The following FAM135A variants were observed in gnomAD, a reference collection of about 807,000 sequenced individuals.
FAM135A encodes the protein family with sequence similarity 135 member A.
FAM135A carries 79 observed loss-of-function variants against 146.8 expected under a neutral mutation model. The ratio of observed to expected loss-of-function variants is 0.54; its 90% CI spans 0.45 to 0.65. The LOEUF is 0.65. Among genes scored for constraint, FAM135A ranks in the 30% least tolerant of loss-of-function variants. The pLI is 0.00. For synonymous variants in FAM135A, 562 were observed against 603.6 expected, an observed-to-expected ratio of 0.93 and a Z score of 1.01; for missense variants, 1,623 against 1,758.2, an observed-to-expected ratio of 0.92 and a Z score of 1.38.
chr6:70,526,359 A>G lies in FAM135A; in HGVS notation c.3275A>G (p.Gln1092Arg). The G allele has an allele frequency of 6.2e-6, 10 of 1,613,672 alleles. No homozygotes were observed. The highest frequency in any genetic ancestry group is 8.5e-6 in the Non-Finnish European group (10 of 1,179,710). ...DKEDEEEEQD[Q>R]QMVQNGYYEE... ...GAGGATGAGGAGGAAGAGCAGGATCAACAAATGGTTCAAAATGGGTACTAT... is the reference window on the plus strand; with the variant it reads ...GAGGATGAGGAGGAAGAGCAGGATCGACAAATGGTTCAAAATGGGTACTAT... The change falls in exon 15 of 22, where the codon CAA becomes CGA. Residue 1092 changes from glutamine (Q) to arginine (R), a missense_variant. Physicochemically the swap from Gln to Arg is conservative, Grantham distance 43 (BLOSUM62 1). Transcript: ENST00000418814.
intron 5 of FAM135A, among the ~76,000 whole-genome samples, chr6:70,472,593 G>T (rs1436154648): frequency 6.6e-6 from 1 of 152,086 alleles, no homozygotes; most frequent in Non-Finnish European, 1.5e-5. Flanking sequence ...CCCCATTCAG[G>T]TTTTGCTGGT....
chr6:70,445,103 G>T (rs957188199), intron 4 of FAM135A, among the ~76,000 whole-genome samples: 1 of 152,126 alleles, frequency 6.6e-6, no homozygotes, highest in Non-Finnish European at 1.5e-5. Context: ...GGTGCTAATT[G>T]TGGGAATACA....
At position 70,525,248 on chromosome 6, in the gene FAM135A, T is replaced by A. The variant is rs754777889; in HGVS notation, c.2164T>A (p.Cys722Ser). ...AAAGGAAGCTTTGCAAGAAGCAAAGTGTCTTTCTATTGGAGAATCATTAAC... is the reference window on the plus strand; with the variant it reads ...AAAGGAAGCTTTGCAAGAAGCAAAGAGTCTTTCTATTGGAGAATCATTAAC... ...FEKEALQEAK[C>S]LSIGESLTKL... is the part of the protein sequence containing the mutation. Residue 722 changes from cysteine (C) to serine (S), a missense_variant, in exon 15 of 22, where the codon TGT becomes AGT. Physicochemically the swap from Cys to Ser is moderately radical, Grantham distance 112. This residue lies in a region of FAM135A where 1,061 missense variants were observed against 1,113.8 expected (regional missense o/e 0.95). Coordinates refer to ENST00000418814, the MANE Select transcript of FAM135A (RefSeq NM_001162529.3). 6.3e-7 allele frequency: 1 copy of A among 1,599,454 alleles called. No homozygotes were observed. Among genetic ancestry groups the A allele is most frequent in the Admixed American group, 1.8e-5 (1 of 56,810 alleles).
chr6:70,445,837 C>G (rs972207163), intron 4 of FAM135A, among the ~76,000 whole-genome samples: 7 of 152,096 alleles, frequency 4.6e-5, no homozygotes, highest in Non-Finnish European at 8.8e-5. Context: ...AGTTTAATGG[C>G]CAGATTCGGG....
chr6:70,523,859 C>A, intron 13 of FAM135A, 108 bp from the exon 14 acceptor site: 1 of 1,071,918 alleles, frequency 9.3e-7, no homozygotes, highest in Non-Finnish European at 1.3e-6. Context: ...TTATGTCTTG[C>A]AGATGAGGGA....
intron 4 of FAM135A, among the ~76,000 whole-genome samples, chr6:70,446,686 C>T (rs1775830004): frequency 6.6e-6 from 1 of 152,198 alleles, no homozygotes; most frequent in East Asian, 1.9e-4. Context: ...TTATTACCGG[C>T]CAAGATTGAT....
intron 4 of FAM135A, among the ~76,000 whole-genome samples, chr6:70,431,326 G>A (rs1193227309): frequency 6.6e-6 from 1 of 152,044 alleles, no homozygotes; most frequent in East Asian, 1.9e-4. Context: ...ATCTTTGCTG[G>A]GCTCACTTCA....
intron 4 of FAM135A, 139 bp downstream of exon 4, chr6:70,428,558 T>G: frequency 2.0e-6 from 1 of 496,770 alleles, no homozygotes; most frequent in East Asian, 3.6e-5. Flanking sequence ...CAGATAAATT[T>G]TATTTATTAA....
intron 5 of FAM135A, among the ~76,000 whole-genome samples, chr6:70,455,160 G>A (rs1045712173): frequency 2.0e-5 from 3 of 152,052 alleles, no homozygotes; most frequent in South Asian, 2.1e-4. Context: ...TTGTAAGTTG[G>A]ATTCCTAGGT....
In FAM135A at chr6:70,477,140, T is replaced by A; in HGVS notation, c.369-19T>A. On this transcript the variant is annotated intron_variant, in intron 7 of 21. Transcript: ENST00000418814. ...TACTAAATGTTTCATACTTACATGC[T>A]AAGTGTTCCTTTTTACAGGGCAGAT... 6.2e-7 allele frequency: 1 copy of A among 1,607,218 alleles called. No homozygotes were observed. The highest frequency in any genetic ancestry group is 8.5e-7 in the Non-Finnish European group (1 of 1,176,608).
chr6:70,477,767 T>C (rs1782903776), intron 8 of FAM135A, among the ~76,000 whole-genome samples: 1 of 152,178 alleles, frequency 6.6e-6, no homozygotes, highest in Non-Finnish European at 1.5e-5. Flanking sequence ...GTAGCATTTT[T>C]TTATTTTTAT....
intron 4 of FAM135A, among the ~76,000 whole-genome samples, chr6:70,449,961 G>A (rs563544399): frequency 1.3e-5 from 2 of 152,126 alleles, no homozygotes; most frequent in Admixed American, 6.6e-5. Context: ...CCATTCTAAC[G>A]GATGTGGGTG....
intron 20 of FAM135A, among the ~76,000 whole-genome samples, chr6:70,553,022 G>A (rs1399895826): frequency 6.6e-6 from 1 of 151,922 alleles, no homozygotes; most frequent in Non-Finnish European, 1.5e-5. Context: ...TCAATATAGA[G>A]CACTAAAAAT....
chr6:70,542,124 A>G (rs1209191184), intron 20 of FAM135A, among the ~76,000 whole-genome samples: 1 of 152,124 alleles, frequency 6.6e-6, no homozygotes, highest in East Asian at 1.9e-4. Context: ...ATCAAACCAT[A>G]TTGGTCTCAT....
chr6:70,545,061 A>C (rs918425558), intron 20 of FAM135A, among the ~76,000 whole-genome samples: 1 of 152,004 alleles, frequency 6.6e-6, no homozygotes, highest in East Asian at 1.9e-4. Context: ...CAAAAAAAAA[A>C]CAAACAAAAA....
intron 5 of FAM135A, among the ~76,000 whole-genome samples, chr6:70,465,453 G>A (rs757260776): frequency 6.6e-6 from 1 of 151,936 alleles, no homozygotes; most frequent in African/African-American, 2.4e-5. Context: ...ACAGGGTCTC[G>A]TTCTGTCATC....
At chr6:70,417,035 C>T (rs1268276815) in intron 2 of FAM135A, among the ~76,000 whole-genome samples, 1 of 151,980 alleles carries the variant, frequency 6.6e-6, no homozygotes, top group Non-Finnish European at 1.5e-5. Flanking sequence ...GTAAAAGTAT[C>T]AGGCATATTA....
chr6:70,479,593 G>A (rs1783320691), intron 8 of FAM135A, among the ~76,000 whole-genome samples: 1 of 152,122 alleles, frequency 6.6e-6, no homozygotes, highest in African/African-American at 2.4e-5. Context: ...GGAAGGGGAA[G>A]CTTTTTGCTG....
chr6:70,542,970 T>C (rs1258067613), intron 20 of FAM135A, among the ~76,000 whole-genome samples: 5 of 152,146 alleles, frequency 3.3e-5, no homozygotes, highest in Admixed American at 2.0e-4. Flanking sequence ...TCATTATAGT[T>C]TATCTCATGT....
Sources: allele counts gnomAD v4.1 joint callset (sites outside exome capture counted in the v4.1 genomes callset), GRCh38; gene constraint gnomAD v4.1.1; regional missense constraint gnomAD v4.1.1; transcripts MANE v1.5; gene names NCBI Gene and HGNC (gene_info 2026-07-23, HGNC 2026-07-21).